Variants in CDC42SE2 observed in about 807,000 individuals in gnomAD.
The protein encoded by CDC42SE2 is CDC42 small effector protein 2.
CDC42SE2 carries 3 observed loss-of-function variants against 11.5 expected under a neutral mutation model. The ratio of observed to expected loss-of-function variants is 0.26; its 90% CI spans 0.12 to 0.67. The LOEUF (loss-of-function observed/expected upper bound fraction) is 0.67, where lower values mean the gene tolerates loss of function less well. CDC42SE2 is among the 30% of genes least tolerant of loss of function. CDC42SE2 has a pLI of 0.80. For missense variants in CDC42SE2, 82 were observed against 106.8 expected (o/e 0.77, Z 1.02); for synonymous variants, 33 against 34.8 (o/e 0.95, Z 0.18).
At chr5:131,280,178 T>TG (rs1315801670) in intron 1 of CDC42SE2, among the ~76,000 whole-genome samples, 2 of 152,224 alleles carry the variant, frequency 1.3e-5, no homozygotes, top group Non-Finnish European at 2.9e-5. Flanking sequence ...AATTAAAATA[T>TG]GGGGTCTACA....
intron 3 of CDC42SE2, among the ~76,000 whole-genome samples, chr5:131,377,235 C>T (rs1750180568): frequency 1.4e-5 from 2 of 146,744 alleles, no homozygotes; most frequent in Non-Finnish European, 3.0e-5. Context: ...GTGATGTGAT[C>T]TTGACTCACT....
chr5:131,256,994 T>G (rs2149684995), intron 2 of CDC42SE2, among the ~76,000 whole-genome samples: 1 of 152,136 alleles, frequency 6.6e-6, no homozygotes, highest in Non-Finnish European at 1.5e-5. Context: ...GGTAAAGGGG[T>G]GGTGCATTTT....
chr5:131,309,117 C>G (rs553633156), intron 1 of CDC42SE2, among the ~76,000 whole-genome samples: 2 of 152,114 alleles, frequency 1.3e-5, no homozygotes, highest in Non-Finnish European at 2.9e-5. Flanking sequence ...TGAAATACAT[C>G]CCATCAATAC....
intron 2 of CDC42SE2, among the ~76,000 whole-genome samples, chr5:131,324,368 G>A (rs1353214225): frequency 7.9e-5 from 12 of 152,170 alleles, no homozygotes. Context: ...GTAGAGAAGG[G>A]CACAAGTAGT....
At chr5:131,232,870 T>G in the CDC42SE2 span, among the ~76,000 whole-genome samples, 1 of 151,976 alleles carries the variant, frequency 6.6e-6, no homozygotes, top group Non-Finnish European at 1.5e-5. Context: ...TCTTCCATAT[T>G]ATTGTTCTCT....
intron 2 of CDC42SE2, among the ~76,000 whole-genome samples, chr5:131,338,718 C>T (rs1186521377): frequency 1.3e-5 from 2 of 152,120 alleles, no homozygotes; most frequent in African/African-American, 2.4e-5. Flanking sequence ...AGATACTGAG[C>T]GGAGGGATCC....
chr5:131,266,564 A>C lies in CDC42SE2; in HGVS notation c.-455+2398A>C, dbSNP rs1244164746. ...AACCTCCGCCTTTGGGGCTCGAGCT[A>C]TTCTCATGCCTCAGCCTCCCATGTA... On this transcript the variant is annotated intron_variant, in intron 1 of 4. Transcript: ENST00000505065. Among the ~76,000 whole-genome samples the C allele has an allele frequency of 2.0e-5, 3 of 147,494 alleles. No individual in the cohort carries two copies. The Admixed American group carries it at 2.1e-4, about 10-fold the overall frequency.
At chr5:131,309,978 C>T (rs1757866851) in intron 1 of CDC42SE2, among the ~76,000 whole-genome samples, 1 of 152,176 alleles carries the variant, frequency 6.6e-6, no homozygotes, top group South Asian at 2.1e-4. Context: ...TTATTTCTTG[C>T]CTTCTTCTAG....
At position 131,292,932 on chromosome 5, in the gene CDC42SE2, A is replaced by C. The variant is rs1401299695; in HGVS notation, c.-454-23044A>C. Among the ~76,000 whole-genome samples the C allele has an allele frequency of 2.1e-5, 3 of 142,480 alleles. No homozygotes were observed. The Admixed American group carries it at 2.2e-4, about 10-fold the overall frequency. 93.5% of individuals were successfully genotyped at this position (142,480 alleles called of 152,430 possible). Reference sequence around the variant, plus strand: ...AAAAAAAAAAAAAAAAAAAAAAAAAAAACAGAAACAAACTATAATACAGCA... The same window carrying C: ...AAAAAAAAAAAAAAAAAAAAAAAAACAACAGAAACAAACTATAATACAGCA... On this transcript the variant is annotated intron_variant, in intron 1 of 4. Transcript: ENST00000505065.
In CDC42SE2 at chr5:131,329,879, CAAAAAAAAAAAAAAAAAAAAAAAAAAAAA is replaced by C. The variant is rs747152132; in HGVS notation, c.-286+13750_-286+13778del. Reference sequence around the variant, plus strand: ...GGGCAACAAGAGTGAAACTCCATCTCAAAAAAAAAAAAAAAAAAAAAAAAAAAAAAAAAAAAAAAAAAAGAAGAAGCGCT... The same window carrying C: ...GGGCAACAAGAGTGAAACTCCATCTCAAAAAAAAAAAAAAGAAGAAGCGCT... On this transcript the variant is annotated intron_variant, in intron 2 of 4. Coordinates refer to ENST00000505065, the MANE Select transcript of CDC42SE2 (RefSeq NM_001375635.1). Among the ~76,000 whole-genome samples, 63 of 56,632 alleles carry C rather than the reference CAAAAAAAAAAAAAAAAAAAAAAAAAAAAA, an allele frequency of 1.1e-3. 1 individual carries two copies. Among genetic ancestry groups the C allele is most frequent in the South Asian group, 5.1e-3 (7 of 1,362 alleles). The allele number at this position is 56,632 out of a possible 152,430, so 37.2% of individuals were successfully genotyped here.
intron 3 of CDC42SE2, among the ~76,000 whole-genome samples, chr5:131,370,339 A>G (rs1189476593): frequency 6.6e-6 from 1 of 152,224 alleles, no homozygotes; most frequent in Admixed American, 6.5e-5. Context: ...GCAAATGAGC[A>G]TCAATTATTT....
chr5:131,347,778 G>T (rs557197536), intron 2 of CDC42SE2, among the ~76,000 whole-genome samples: 2 of 152,174 alleles, frequency 1.3e-5, no homozygotes. Flanking sequence ...AAATCCAGCA[G>T]CACCTCAAAA....
At chr5:131,385,469 CAT>C in intron 3 of CDC42SE2, 72 bp from the exon 4 acceptor site, 1 of 1,021,810 alleles carries the variant, frequency 9.8e-7, no homozygotes, top group Non-Finnish European at 1.5e-6. Context: ...ATTAAACAGT[CAT>C]AGTATAAAAA....
chr5:131,376,110 A>G (rs1049511626), intron 3 of CDC42SE2, among the ~76,000 whole-genome samples: 2 of 152,050 alleles, frequency 1.3e-5, no homozygotes, highest in African/African-American at 4.8e-5. Flanking sequence ...ATGGTGGTGC[A>G]TGCCTGTAAT....
chr5:131,323,419 A>C (rs1758234212), intron 2 of CDC42SE2, among the ~76,000 whole-genome samples: 4 of 151,974 alleles, frequency 2.6e-5, no homozygotes, highest in Admixed American at 2.6e-4. Context: ...TAATGATTTC[A>C]GTTTTATTAC....
chr5:131,332,845 T>A (rs1214854941), intron 2 of CDC42SE2, among the ~76,000 whole-genome samples: 1 of 152,230 alleles, frequency 6.6e-6, no homozygotes. Flanking sequence ...TTTGTTTGAC[T>A]TCATTGTAGA....
At chr5:131,384,289 G>A (rs1347207474) in intron 3 of CDC42SE2, among the ~76,000 whole-genome samples, 2 of 152,180 alleles carry the variant, frequency 1.3e-5, no homozygotes, top group East Asian at 1.9e-4. Context: ...GCATGGGCTC[G>A]CCACTTTTGT....
chr5:131,225,169 A>C, the CDC42SE2 span, among the ~76,000 whole-genome samples: 1 of 152,202 alleles, frequency 6.6e-6, no homozygotes, highest in Non-Finnish European at 1.5e-5. Flanking sequence ...AACATTACAC[A>C]CAGTGGCTTC....
intron 3 of CDC42SE2, among the ~76,000 whole-genome samples, chr5:131,369,955 T>C (rs773093992): frequency 6.6e-5 from 10 of 152,242 alleles, no homozygotes; most frequent in Admixed American, 3.9e-4. Context: ...TTTCTGCTTA[T>C]TCTGTTTCTA....
Sources: allele counts gnomAD v4.1 joint callset (sites outside exome capture counted in the v4.1 genomes callset), GRCh38; gene constraint gnomAD v4.1.1; transcripts MANE v1.5; gene names NCBI Gene and HGNC (gene_info 2026-07-23, HGNC 2026-07-21).